Variants in LYPLAL1 observed in about 807,000 individuals in gnomAD.
LYPLAL1 encodes lysophospholipase like 1, also known as lysophospholipase-like protein 1.
In LYPLAL1, 23 loss-of-function variants were observed where a neutral mutation model predicts 19.7. The ratio of observed to expected loss-of-function variants is 1.17; its 90% CI spans 0.84 to 1.65. The LOEUF is 1.65. Among genes scored for constraint, LYPLAL1 ranks in the 40% most tolerant of loss-of-function variants. The pLI, the probability that LYPLAL1 is intolerant of heterozygous loss-of-function variation, is 0.00. For synonymous variants in LYPLAL1, 119 were observed against 96.3 expected (o/e 1.24, Z -1.38); for missense variants, 355 against 279.4 (o/e 1.27, Z -1.93).
At chr1:219,217,412 G>GTGTGTGTGTGTGTGTGT (rs1553304623), downstream of LYPLAL1, among the ~76,000 whole-genome samples, 3 of 70,764 alleles carry the variant, frequency 4.2e-5, no homozygotes, top group Non-Finnish European at 3.5e-5. Context: ...GTGTGTGAGA[G>GTGTGTGTGTGTGTGTGT]ATGGTTGTAA....
At chr1:219,263,799 G>A in the LYPLAL1 span, among the ~76,000 whole-genome samples, 1 of 152,140 alleles carries the variant, frequency 6.6e-6, no homozygotes, top group African/African-American at 2.4e-5. Flanking sequence ...TCATGACCTG[G>A]ATTTTCAGAT....
At chr1:219,226,872 A>G in the LYPLAL1 span, among the ~76,000 whole-genome samples, 31 of 152,352 alleles carry the variant, frequency 2.0e-4, no homozygotes, top group African/African-American at 7.0e-4. Context: ...AAAATCATAT[A>G]TAAAGATAGT....
chr1:219,305,482 T>G, the LYPLAL1 span, among the ~76,000 whole-genome samples: 1 of 152,164 alleles, frequency 6.6e-6, no homozygotes, highest in Non-Finnish European at 1.5e-5. Context: ...CTATAAAGGA[T>G]GTTTTGGGGT....
At chr1:219,417,317 T>A in the LYPLAL1 span, among the ~76,000 whole-genome samples, 1 of 152,204 alleles carries the variant, frequency 6.6e-6, no homozygotes, top group Non-Finnish European at 1.5e-5. Flanking sequence ...ACTGAATCAA[T>A]ACTCTAAAAT....
chr1:219,254,289 A>C, the LYPLAL1 span, among the ~76,000 whole-genome samples: 1 of 151,940 alleles, frequency 6.6e-6, no homozygotes, highest in East Asian at 1.9e-4. Context: ...TTCAAGGTTT[A>C]GTACTGAATG....
At chr1:219,414,057 T>A in the LYPLAL1 span, among the ~76,000 whole-genome samples, 1 of 152,146 alleles carries the variant, frequency 6.6e-6, no homozygotes, top group Admixed American at 6.5e-5. Context: ...CTGAGTGCAT[T>A]GTTGAATGCA....
intron 3 of LYPLAL1, among the ~76,000 whole-genome samples, chr1:219,205,072 T>C (rs1467625094): frequency 6.6e-6 from 1 of 152,180 alleles, no homozygotes; most frequent in Non-Finnish European, 1.5e-5. Context: ...TTGAGTATTA[T>C]GTAACCATTA....
At chr1:219,375,086 A>G in the LYPLAL1 span, among the ~76,000 whole-genome samples, 1 of 152,250 alleles carries the variant, frequency 6.6e-6, no homozygotes, top group African/African-American at 2.4e-5. Flanking sequence ...AAGTAATGCC[A>G]GCCTAATAGC....
chr1:219,174,352 C>A, intron 1 of LYPLAL1: 1 of 1,033,442 alleles, frequency 9.7e-7, no homozygotes, highest in Non-Finnish European at 1.2e-6. Flanking sequence ...TCATTATCAG[C>A]TACTAGTGAT....
the LYPLAL1 span, among the ~76,000 whole-genome samples, chr1:219,240,604 C>T: frequency 6.6e-6 from 1 of 151,954 alleles, no homozygotes; most frequent in African/African-American, 2.4e-5. Flanking sequence ...CTTTTTGCTC[C>T]CTATGATTTT....
At chr1:219,423,451 T>C in the LYPLAL1 span, among the ~76,000 whole-genome samples, 1 of 152,196 alleles carries the variant, frequency 6.6e-6, no homozygotes, top group Admixed American at 6.5e-5. Context: ...AGCAGTAGAT[T>C]GAACACAGGC....
At chr1:219,440,022 C>CAT in the LYPLAL1 span, among the ~76,000 whole-genome samples, 5,324 of 128,758 alleles carry the variant, frequency 0.041, 327 homozygotes, top group African/African-American at 0.15. Flanking sequence ...TACACACACA[C>CAT]ACATATATAT....
At chr1:219,228,093 T>C in the LYPLAL1 span, among the ~76,000 whole-genome samples, 1 of 152,140 alleles carries the variant, frequency 6.6e-6, no homozygotes, top group African/African-American at 2.4e-5. Flanking sequence ...CATTCAGATG[T>C]AACGTCATCA....
chr1:219,254,386 G>C, the LYPLAL1 span, among the ~76,000 whole-genome samples: 1 of 151,684 alleles, frequency 6.6e-6, no homozygotes, highest in African/African-American at 2.4e-5. Context: ...CTGGTCTGTG[G>C]GTTTAAGTGT....
the LYPLAL1 span, among the ~76,000 whole-genome samples, chr1:219,358,435 A>G: frequency 1.3e-5 from 2 of 152,316 alleles, no homozygotes; most frequent in Non-Finnish European, 1.5e-5. Flanking sequence ...CAATCATTGT[A>G]TTAGTTCATT....
chr1:219,293,340 T>A, the LYPLAL1 span, among the ~76,000 whole-genome samples: 1 of 152,188 alleles, frequency 6.6e-6, no homozygotes, highest in Admixed American at 6.5e-5. Context: ...AAAAATAGGT[T>A]GATTATGATA....
At chr1:219,262,711 A>T in the LYPLAL1 span, among the ~76,000 whole-genome samples, 2 of 152,168 alleles carry the variant, frequency 1.3e-5, no homozygotes, top group Non-Finnish European at 2.9e-5. Flanking sequence ...CCAGCTGTGG[A>T]TACCAGCACC....
chr1:219,422,137 G>A, the LYPLAL1 span, among the ~76,000 whole-genome samples: 1 of 152,192 alleles, frequency 6.6e-6, no homozygotes, highest in Non-Finnish European at 1.5e-5. Flanking sequence ...TGGTGAACAG[G>A]AGTTAGAAGA....
At chr1:219,278,605 C>T in the LYPLAL1 span, among the ~76,000 whole-genome samples, 1 of 152,080 alleles carries the variant, frequency 6.6e-6, no homozygotes, top group South Asian at 2.1e-4. Context: ...ACTTTATTCC[C>T]TCTCTAAAGT....
Sources: gnomAD v4.1 joint callset for allele counts (sites outside exome capture counted in the v4.1 genomes callset) on GRCh38, gnomAD v4.1.1 for gene constraint, MANE v1.5 for transcripts, NCBI Gene and HGNC (gene_info 2026-07-23, HGNC 2026-07-21) for gene names.